Variants in PPP3CA observed in about 807,000 individuals in gnomAD.
The protein encoded by PPP3CA is protein phosphatase 3 catalytic subunit alpha.
PPP3CA carries 14 observed loss-of-function variants against 66.5 expected under a neutral mutation model. The ratio of observed to expected loss-of-function variants is 0.21; its 90% CI spans 0.14 to 0.33. The LOEUF (loss-of-function observed/expected upper bound fraction) is 0.33, where lower values mean the gene tolerates loss of function less well. Ranked by LOEUF, PPP3CA falls within the 10% of genes least tolerant of loss-of-function variation. The pLI, the probability that PPP3CA is intolerant of heterozygous loss-of-function variation, is 1.00. For missense variants in PPP3CA, 317 were observed against 639.5 expected, an observed-to-expected ratio of 0.50 and a Z score of 5.44; for synonymous variants, 232 against 226.2, an observed-to-expected ratio of 1.03 and a Z score of -0.23.
chr4:101,167,405 C>T (rs1293840564), intron 2 of PPP3CA, among the ~76,000 whole-genome samples: 3 of 152,140 alleles, frequency 2.0e-5, no homozygotes, highest in Admixed American at 6.5e-5. Context: ...GGAGCTTAGT[C>T]AACATTTAAA....
intron 6 of PPP3CA, among the ~76,000 whole-genome samples, chr4:101,087,338 A>G (rs1465965291): frequency 6.6e-6 from 1 of 152,226 alleles, no homozygotes; most frequent in African/African-American, 2.4e-5. Context: ...ACTTTTTAGT[A>G]AAGTAAAACA....
intron 10 of PPP3CA, among the ~76,000 whole-genome samples, chr4:101,044,327 T>A (rs983809831): frequency 6.6e-6 from 1 of 152,212 alleles, no homozygotes; most frequent in African/African-American, 2.4e-5. Context: ...AATAAGTACA[T>A]GTTTTTCAGA....
chr4:101,252,335 T>C lies in PPP3CA; in HGVS notation c.59-56219A>G, dbSNP rs144060729. Among the ~76,000 whole-genome samples, 32 of 152,318 alleles carry C rather than the reference T, an allele frequency of 2.1e-4. 1 individual carries two copies. The East Asian group carries it at 6.2e-3, about 29-fold the overall frequency. On this transcript the variant is annotated intron_variant, in intron 1 of 13. Transcript: ENST00000394854. ...TTGGTTTGTCTGACATATGACTAAA[T>C]GAAGACTTTGGTAGGGTTGTAAATA...
intron 2 of PPP3CA, among the ~76,000 whole-genome samples, chr4:101,131,392 T>C (rs1029023234): frequency 1.4e-5 from 2 of 140,632 alleles, no homozygotes; most frequent in African/African-American, 5.3e-5. Flanking sequence ...ATCAAAGGAA[T>C]GGAGGAAGAT....
chr4:101,050,959 G>A (rs1048303992), intron 10 of PPP3CA, among the ~76,000 whole-genome samples: 1 of 152,122 alleles, frequency 6.6e-6, no homozygotes, highest in Non-Finnish European at 1.5e-5. Flanking sequence ...GCCCTGAGAT[G>A]TGGCCTCATT....
intron 1 of PPP3CA, among the ~76,000 whole-genome samples, chr4:101,215,397 T>C (rs1725423453): frequency 6.6e-6 from 1 of 152,114 alleles, no homozygotes; most frequent in Non-Finnish European, 1.5e-5. Flanking sequence ...AAACACAGAA[T>C]GCTTTAATTA....
rs77119490 is a variant in PPP3CA at position 101,024,945 on chromosome 4, A to G, written c.*920T>C. Reference sequence around the variant, plus strand: ...TTTCTTAAAAAACATGCATAGGCAGATTTTTTTTTTTTTTACAGAATATAG... The same window carrying G: ...TTTCTTAAAAAACATGCATAGGCAGGTTTTTTTTTTTTTTACAGAATATAG... On this transcript the variant is annotated 3_prime_UTR_variant, in exon 14 of 14. Coordinates refer to ENST00000394854, the MANE Select transcript of PPP3CA (RefSeq NM_000944.5). 6.9e-6 allele frequency: 1 copy of G among 145,448 alleles called. No homozygotes were observed. The highest frequency in any genetic ancestry group is 2.2e-4 in the South Asian group (1 of 4,582). 9.0% of individuals were successfully genotyped at this position (145,448 alleles called of 1,614,324 possible).
At chr4:101,345,445 AT>A (rs1729951592) in intron 1 of PPP3CA, among the ~76,000 whole-genome samples, 1 of 152,164 alleles carries the variant, frequency 6.6e-6, no homozygotes, top group African/African-American at 2.4e-5. Context: ...CTCTGGCCAC[AT>A]TAGATACCAT....
At chr4:101,267,766 T>C (rs28542998) in intron 1 of PPP3CA, among the ~76,000 whole-genome samples, 6,343 of 152,236 alleles carry the variant, frequency 0.042, 420 homozygotes, top group African/African-American at 0.14. Flanking sequence ...GTTCAATAAA[T>C]TGAGTCCAAG....
intron 1 of PPP3CA, among the ~76,000 whole-genome samples, chr4:101,342,992 G>A (rs1427895005): frequency 6.6e-6 from 1 of 152,058 alleles, no homozygotes; most frequent in Non-Finnish European, 1.5e-5. Flanking sequence ...CTGTCTACAT[G>A]AAGTACGTAA....
chr4:101,296,530 T>C (rs1728206456), intron 1 of PPP3CA, among the ~76,000 whole-genome samples: 1 of 152,166 alleles, frequency 6.6e-6, no homozygotes, highest in South Asian at 2.1e-4. Flanking sequence ...TTTTTTGCTT[T>C]AAGCTGAACT....
intron 8 of PPP3CA, 122 bp downstream of exon 8, chr4:101,080,410 T>C (rs1054753084): frequency 2.3e-6 from 1 of 440,754 alleles, no homozygotes; most frequent in Admixed American, 4.4e-5. Flanking sequence ...CATGAAACAA[T>C]AACTGAAAAA....
intron 1 of PPP3CA, among the ~76,000 whole-genome samples, chr4:101,227,457 A>G (rs1386163952): frequency 6.6e-6 from 1 of 151,836 alleles, no homozygotes; most frequent in Non-Finnish European, 1.5e-5. Flanking sequence ...GGCACATAGA[A>G]GGCCATTCAA....
At chr4:101,213,150 T>G (rs1725351612) in intron 1 of PPP3CA, among the ~76,000 whole-genome samples, 1 of 152,116 alleles carries the variant, frequency 6.6e-6, no homozygotes, top group Non-Finnish European at 1.5e-5. Flanking sequence ...AGCCAGAAAT[T>G]TTAATCAAAG....
At chr4:101,289,868 GTA>G (rs1337456265) in intron 1 of PPP3CA, among the ~76,000 whole-genome samples, 92 of 120,910 alleles carry the variant, frequency 7.6e-4, no homozygotes, top group African/African-American at 1.9e-3. Context: ...AAATGTCCGT[GTA>G]TGTGTGTGTG....
At chr4:101,343,859 C>T (rs571050491) in intron 1 of PPP3CA, among the ~76,000 whole-genome samples, 2 of 152,216 alleles carry the variant, frequency 1.3e-5, no homozygotes, top group Admixed American at 1.3e-4. Context: ...AGAAAACAGT[C>T]ACATCATATT....
chr4:101,336,472 T>C (rs1729637294), intron 1 of PPP3CA, among the ~76,000 whole-genome samples: 1 of 149,866 alleles, frequency 6.7e-6, no homozygotes, highest in African/African-American at 2.5e-5. Context: ...CTGGGGAGAC[T>C]GAGGCACAAG....
intron 11 of PPP3CA, among the ~76,000 whole-genome samples, chr4:101,037,384 G>C (rs1727300092): frequency 6.6e-6 from 1 of 152,174 alleles, no homozygotes; most frequent in South Asian, 2.1e-4. Context: ...CAGTTTTCTG[G>C]TTCCCTTATA....
chr4:101,157,576 T>C (rs981152547), intron 2 of PPP3CA, among the ~76,000 whole-genome samples: 6 of 152,110 alleles, frequency 3.9e-5, no homozygotes, highest in African/African-American at 1.2e-4. Flanking sequence ...GGTAACCTAG[T>C]ACAAGGAAAA....
Sources: gnomAD v4.1 joint callset for allele counts (sites outside exome capture counted in the v4.1 genomes callset) on GRCh38, gnomAD v4.1.1 for gene constraint, MANE v1.5 for transcripts, NCBI Gene and HGNC (gene_info 2026-07-23, HGNC 2026-07-21) for gene names.